The following MEGF11 variants were observed in gnomAD, a reference collection of about 807,000 sequenced individuals.
MEGF11 encodes the protein multiple EGF like domains 11.
MEGF11 carries 126 observed loss-of-function variants against 146.6 expected under a neutral mutation model. The ratio of observed to expected loss-of-function variants is 0.86; its 90% confidence interval spans 0.74 to 1.00. MEGF11 has a LOEUF of 1.00. Ranked by LOEUF, MEGF11 falls within the 50% of genes least tolerant of loss-of-function variation. MEGF11 has a pLI of 0.00. For missense variants in MEGF11, 1,509 were observed against 1,521.2 expected (o/e 0.99, Z 0.13); for synonymous variants, 532 against 583.4 (o/e 0.91, Z 1.27).
intron 5 of MEGF11, among the ~76,000 whole-genome samples, chr15:66,033,951 C>T (rs1218227844): frequency 2.0e-5 from 3 of 152,138 alleles, no homozygotes; most frequent in Admixed American, 2.0e-4. Context: ...CCACCACACC[C>T]AGCTAATTTT....
intron 1 of MEGF11, among the ~76,000 whole-genome samples, chr15:66,236,809 A>T (rs1286131545): frequency 3.3e-5 from 5 of 151,988 alleles, no homozygotes; most frequent in Admixed American, 3.3e-4. Flanking sequence ...GGAGAACACA[A>T]CCCAGTTCAT....
intron 10 of MEGF11, among the ~76,000 whole-genome samples, chr15:65,933,313 A>G (rs1265642980): frequency 6.6e-6 from 1 of 152,224 alleles, no homozygotes; most frequent in Non-Finnish European, 1.5e-5. Context: ...TGCAGACTGC[A>G]GGCACAGCGT....
chr15:66,183,273 G>A (rs1156813009), intron 1 of MEGF11, among the ~76,000 whole-genome samples: 1 of 152,160 alleles, frequency 6.6e-6, no homozygotes, highest in Non-Finnish European at 1.5e-5. Flanking sequence ...GCTGAGATGG[G>A]AGGATCGCCC....
rs1187360631 is a variant in MEGF11, at chr15:65,898,800, G to A, written c.3190C>T (p.Pro1064Ser). The change falls in exon 25 of 26, where the codon CCT (proline) becomes TCT (serine). Residue 1064 changes from proline (P) to serine (S), a missense_variant. Pro to Ser is a moderately conservative substitution (Grantham distance 74). Coordinates refer to ENST00000395614, the MANE Select transcript of MEGF11 (RefSeq NM_001385028.1). ...GTGTACGGAGACCCCATGTGCACAG[G>A]CGACTTCATTTCTACATAGCTGCTT... ...PESSYVEMKSPVHMGSPYTDV... is the reference protein window; with the variant it reads ...PESSYVEMKSSVHMGSPYTDV... The A allele has an allele frequency of 6.2e-7, 1 of 1,613,988 alleles. No individual in the cohort carries two copies. The highest frequency in any genetic ancestry group is 8.5e-7 in the Non-Finnish European group (1 of 1,179,868).
chr15:66,216,299 T>G (rs975318291), intron 1 of MEGF11, among the ~76,000 whole-genome samples: 4 of 152,138 alleles, frequency 2.6e-5, no homozygotes, highest in African/African-American at 9.7e-5. Flanking sequence ...GCAGCCATCA[T>G]GTAGGGGGAT....
chr15:66,059,950 A>G (rs769867457), intron 5 of MEGF11, among the ~76,000 whole-genome samples: 18 of 152,138 alleles, frequency 1.2e-4, no homozygotes, highest in Admixed American at 8.5e-4. Flanking sequence ...GTTGGGCAGC[A>G]CAGAAGGACA....
intron 4 of MEGF11, among the ~76,000 whole-genome samples, chr15:66,112,571 G>A (rs923423244): frequency 1.3e-5 from 2 of 152,210 alleles, no homozygotes; most frequent in Non-Finnish European, 2.9e-5. Flanking sequence ...TTGAAGAGGT[G>A]TGGTTGGCAA....
intron 5 of MEGF11, among the ~76,000 whole-genome samples, chr15:66,081,802 T>C (rs2085868458): frequency 6.6e-6 from 1 of 152,208 alleles, no homozygotes; most frequent in African/African-American, 2.4e-5. Flanking sequence ...TGCTATGAAC[T>C]GAATGTTCAA....
intron 21 of MEGF11, 59 bp from the exon 22 acceptor site, chr15:65,909,865 C>A: frequency 7.0e-7 from 1 of 1,435,582 alleles, no homozygotes; most frequent in South Asian, 1.2e-5. Flanking sequence ...CCTCCCCAGT[C>A]TTCACTTTGC....
chr15:65,990,416 C>T (rs113238503), intron 5 of MEGF11, among the ~76,000 whole-genome samples: 11,220 of 151,314 alleles, frequency 0.074, 485 homozygotes, highest in African/African-American at 0.093. Context: ...CTTGGTGTGG[C>T]GGCATGTGCC....
intron 10 of MEGF11, among the ~76,000 whole-genome samples, chr15:65,947,188 TC>T (rs1442224353): frequency 1.3e-5 from 2 of 152,042 alleles, no homozygotes; most frequent in African/African-American, 4.8e-5. Flanking sequence ...AGGAATCCCT[TC>T]CCCTCCTGGG....
At chr15:65,900,910 T>A (rs535975619) in intron 24 of MEGF11, among the ~76,000 whole-genome samples, 1 of 152,238 alleles carries the variant, frequency 6.6e-6, no homozygotes, top group Non-Finnish European at 1.5e-5. Flanking sequence ...AGGCCAGATA[T>A]AGGCCCAGAT....
chr15:66,130,977 TGG>T (rs951960301), intron 1 of MEGF11, among the ~76,000 whole-genome samples: 2 of 152,188 alleles, frequency 1.3e-5, no homozygotes, highest in African/African-American at 4.8e-5. Flanking sequence ...GTTAACATAT[TGG>T]GCACCATCTG....
chr15:65,907,170 G>A (rs562440972), intron 23 of MEGF11, among the ~76,000 whole-genome samples: 5 of 152,240 alleles, frequency 3.3e-5, no homozygotes, highest in South Asian at 2.1e-4. Context: ...TGTTGCTATC[G>A]CTCCTCTACG....
At chr15:66,190,498 C>T (rs2090840261) in intron 1 of MEGF11, among the ~76,000 whole-genome samples, 1 of 152,194 alleles carries the variant, frequency 6.6e-6, no homozygotes. Flanking sequence ...GGGCAGGGGC[C>T]TTCCAGAGGT....
intron 4 of MEGF11, among the ~76,000 whole-genome samples, chr15:66,110,022 C>T (rs1014803972): frequency 2.0e-5 from 3 of 152,062 alleles, no homozygotes; most frequent in Non-Finnish European, 2.9e-5. Context: ...AGAGGGGCCC[C>T]GGGGTGGCAG....
At chr15:65,957,493 G>A (rs2080696457) in intron 10 of MEGF11, 54 bp downstream of exon 10, 1 of 1,547,496 alleles carries the variant, frequency 6.5e-7, no homozygotes, top group African/African-American at 1.4e-5. Flanking sequence ...AGGAGGTGAG[G>A]GGAACTGGCC....
intron 5 of MEGF11, among the ~76,000 whole-genome samples, chr15:65,991,487 TG>T (rs2141761570): frequency 6.6e-6 from 1 of 152,314 alleles, no homozygotes; most frequent in South Asian, 2.1e-4. Flanking sequence ...TTCTTTGCTA[TG>T]GGGAACCATC....
Position 66,151,962 on chromosome 15 carries a change from C to CG in MEGF11, c.-8-23552dup, listed in dbSNP as rs138129982. 3.4e-3 allele frequency among the ~76,000 whole-genome samples: 521 copies of CG among 152,356 alleles called. 4 individuals are homozygous for CG. Among genetic ancestry groups the CG allele is most frequent in the African/African-American group, 0.012 (495 of 41,594 alleles). On this transcript the variant is annotated intron_variant, in intron 1 of 25. Coordinates refer to ENST00000395614, the MANE Select transcript of MEGF11 (RefSeq NM_001385028.1). ...AGTGGCACAATGGCCTGCCATGGGG[C>CG]GGGGGGCAGGGTGTGCAGGCAGATG...
Sources: gnomAD v4.1 joint callset for allele counts (sites outside exome capture counted in the v4.1 genomes callset) on GRCh38, gnomAD v4.1.1 for gene constraint, MANE v1.5 for transcripts, NCBI Gene and HGNC (gene_info 2026-07-23, HGNC 2026-07-21) for gene names.